WDFY4: variants seen among roughly 807,000 people sequenced by gnomAD.
WDFY4 encodes the protein WDFY family member 4.
WDFY4 carries 169 observed loss-of-function variants against 351.9 expected under a neutral mutation model. That is an observed-to-expected ratio of 0.48 (90% CI 0.42 to 0.55). The LOEUF is 0.55. WDFY4 is among the 20% of genes least tolerant of loss of function. The pLI is 0.00. For synonymous variants in WDFY4, 1,622 were observed against 1,574.6 expected (o/e 1.03, Z -0.71); for missense variants, 3,803 against 3,935.6 (o/e 0.97, Z 0.90).
intron 46 of WDFY4, 84 bp from the exon 47 acceptor site, chr10:48,901,717 C>A (rs1045387374): frequency 7.0e-7 from 1 of 1,438,526 alleles, no homozygotes. Flanking sequence ...AGCCTAGCTT[C>A]CTGCCTGACT....
Position 48,743,054 on chromosome 10 carries a change from T to C in WDFY4, c.1965T>C (p.Ser655=). 1 of 1,551,658 alleles carries C rather than the reference T, an allele frequency of 6.4e-7. No homozygotes were observed. The highest frequency in any genetic ancestry group is 8.7e-7 in the Non-Finnish European group (1 of 1,146,976). ...SGFNGLLSLL[S]DLEGSLQEPP... ...TCAACGGGCTGCTGTCTCTGCTCTC[T>C]GACCTGGAAGGCTCCCTCCAGGAGC... The change falls in exon 12 of 62, where the codon TCT becomes TCC. Residue 655 remains serine, a synonymous_variant. Transcript: ENST00000325239.
At chr10:48,762,480 G>A (rs565849035) in intron 13 of WDFY4, among the ~76,000 whole-genome samples, 36 of 152,324 alleles carry the variant, frequency 2.4e-4, no homozygotes, top group African/African-American at 8.7e-4. Context: ...GGGATAGGAA[G>A]TTAAAAACAT....
intron 13 of WDFY4, among the ~76,000 whole-genome samples, chr10:48,767,982 C>T (rs946053140): frequency 6.6e-5 from 10 of 152,098 alleles, no homozygotes; most frequent in African/African-American, 2.2e-4. Flanking sequence ...CCTTCTAGAG[C>T]AACAAGCCCT....
intron 1 of WDFY4, among the ~76,000 whole-genome samples, chr10:48,691,828 A>G (rs879542080): frequency 3.3e-5 from 5 of 152,236 alleles, no homozygotes; most frequent in Admixed American, 3.3e-4. Flanking sequence ...GTGAGCAATT[A>G]GTAACGTTAA....
At chr10:48,920,867 T>C (rs569637971) in intron 47 of WDFY4, among the ~76,000 whole-genome samples, 2 of 152,332 alleles carry the variant, frequency 1.3e-5, no homozygotes, top group African/African-American at 4.8e-5. Context: ...TTACTAGCTA[T>C]TAACAATTGG....
At chr10:48,978,540 T>C (rs1316597397) in intron 60 of WDFY4, 147 bp downstream of exon 60, 1 of 672,920 alleles carries the variant, frequency 1.5e-6, no homozygotes, top group East Asian at 2.9e-5. Context: ...GTTCAGTGAC[T>C]TGCCCAAAGT....
intron 51 of WDFY4, among the ~76,000 whole-genome samples, chr10:48,956,367 C>G (rs1388029401): frequency 6.6e-6 from 1 of 152,168 alleles, no homozygotes; most frequent in East Asian, 1.9e-4. Flanking sequence ...TCTCCACCCT[C>G]AGACCCATTC....
chr10:48,700,700 A>T (rs2063455745), intron 1 of WDFY4, among the ~76,000 whole-genome samples: 1 of 152,204 alleles, frequency 6.6e-6, no homozygotes, highest in Non-Finnish European at 1.5e-5. Flanking sequence ...TGGGGTCATG[A>T]CAGTTCCTGT....
At chr10:48,766,160 A>C (rs1357307124) in intron 13 of WDFY4, among the ~76,000 whole-genome samples, 2 of 152,222 alleles carry the variant, frequency 1.3e-5, no homozygotes, top group Non-Finnish European at 2.9e-5. Context: ...CACATTGGAC[A>C]TCCCAAATAC....
chr10:48,734,544 A>AT (rs60833711), intron 10 of WDFY4, among the ~76,000 whole-genome samples: 1 of 150,888 alleles, frequency 6.6e-6, no homozygotes, highest in African/African-American at 2.4e-5. Flanking sequence ...ATATATATAT[A>AT]ATGACATAGA....
At chr10:48,875,960 C>T (rs2069987459) in intron 42 of WDFY4, among the ~76,000 whole-genome samples, 1 of 152,174 alleles carries the variant, frequency 6.6e-6, no homozygotes, top group Non-Finnish European at 1.5e-5. Flanking sequence ...CCTGCCTGCT[C>T]CAGCTCCAGA....
At chr10:48,833,852 T>G (rs1273937292) in intron 39 of WDFY4, among the ~76,000 whole-genome samples, 1 of 152,152 alleles carries the variant, frequency 6.6e-6, no homozygotes, top group Non-Finnish European at 1.5e-5. Context: ...GACAGACACA[T>G]TAACATAATC....
intron 43 of WDFY4, among the ~76,000 whole-genome samples, chr10:48,879,408 C>T (rs1302424121): frequency 1.3e-5 from 2 of 152,236 alleles, no homozygotes; most frequent in Non-Finnish European, 2.9e-5. Flanking sequence ...CATGCTCCAG[C>T]TACACCTGCC....
intron 41 of WDFY4, among the ~76,000 whole-genome samples, chr10:48,874,503 T>G (rs992062389): frequency 6.6e-6 from 1 of 152,238 alleles, no homozygotes; most frequent in Non-Finnish European, 1.5e-5. Flanking sequence ...CAGCATCTTT[T>G]ACTCATGCTA....
chr10:48,974,857 C>T lies in WDFY4; in HGVS notation c.8929-5C>T, dbSNP rs533607430. 3.6e-5 allele frequency: 56 copies of T among 1,535,698 alleles called. No individual in the cohort carries two copies. In the East Asian group the frequency reaches 1.3e-3, roughly 36 times the overall value. On this transcript the variant is annotated splice_region_variant and splice_polypyrimidine_tract_variant and intron_variant, in intron 57 of 61. Coordinates refer to ENST00000325239, the MANE Select transcript of WDFY4 (RefSeq NM_001394531.1). ...CTCTCCTAACCTGTGAGTCTCTGTC[C>T]CCAGGCCTTGTATGGACACACACAG...
chr10:48,790,366 T>A (rs1449029594), intron 22 of WDFY4, among the ~76,000 whole-genome samples: 1 of 152,236 alleles, frequency 6.6e-6, no homozygotes, highest in Non-Finnish European at 1.5e-5. Context: ...GCAAGTGCCC[T>A]GCCCAGCAGG....
Position 48,853,618 on chromosome 10 carries a change from A to G in WDFY4, c.6664-13647A>G, listed in dbSNP as rs143381690. Among the ~76,000 whole-genome samples, 68 of 152,344 alleles carry G rather than the reference A, an allele frequency of 4.5e-4. No homozygotes were observed. The East Asian group carries it at 0.013, about 29-fold the overall frequency. On this transcript the variant is annotated intron_variant, in intron 39 of 61. Coordinates refer to ENST00000325239, the MANE Select transcript of WDFY4 (RefSeq NM_001394531.1). Reference sequence around the variant, plus strand: ...ATCAATTCTCCAAATTACAGTTGGTATAAGGTATCAAAAATATTAAATCAA... The same window carrying G: ...ATCAATTCTCCAAATTACAGTTGGTGTAAGGTATCAAAAATATTAAATCAA...
At chr10:48,871,529 C>T (rs1589786511) in intron 40 of WDFY4, among the ~76,000 whole-genome samples, 1 of 147,794 alleles carries the variant, frequency 6.8e-6, no homozygotes, top group Non-Finnish European at 1.5e-5. Context: ...GGCTGAAGTA[C>T]AGTCATGTAA....
intron 11 of WDFY4, 69 bp downstream of exon 11, chr10:48,736,139 G>A: frequency 6.5e-7 from 1 of 1,530,894 alleles, no homozygotes; most frequent in Non-Finnish European, 8.9e-7. Flanking sequence ...CATTTGCTCA[G>A]GCATTTGTAT....
Sources: gnomAD v4.1 joint callset for allele counts (sites outside exome capture counted in the v4.1 genomes callset) on GRCh38, gnomAD v4.1.1 for gene constraint, MANE v1.5 for transcripts, NCBI Gene and HGNC (gene_info 2026-07-23, HGNC 2026-07-21) for gene names.